Variants in TRMT9B observed in about 807,000 individuals in gnomAD.
TRMT9B encodes tRNA methyltransferase 9B (putative), also known as probable tRNA methyltransferase 9B.
In TRMT9B, 16 loss-of-function variants were observed where a neutral mutation model predicts 11.5. The ratio of observed to expected loss-of-function variants is 1.39; its 90% CI spans 0.94 to 2.11. The LOEUF (loss-of-function observed/expected upper bound fraction) is 2.11, where lower values mean the gene tolerates loss of function less well. Ranked by LOEUF, TRMT9B falls within the 30% of genes most tolerant of loss-of-function variation. The pLI is 0.00. For synonymous variants in TRMT9B, 274 were observed against 192.4 expected, an observed-to-expected ratio of 1.42 and a Z score of -3.51; for missense variants, 941 against 553.8, an observed-to-expected ratio of 1.70 and a Z score of -7.02.
intron 4 of TRMT9B, among the ~76,000 whole-genome samples, chr8:13,020,087 T>A (rs1813534654): frequency 1.3e-5 from 2 of 152,330 alleles, no homozygotes; most frequent in Non-Finnish European, 2.9e-5. Flanking sequence ...TTAGTTTGCC[T>A]AAAATCACCA....
intron 3 of TRMT9B, chr8:13,006,557 A>G: frequency 1.4e-6 from 2 of 1,425,908 alleles, no homozygotes; most frequent in Non-Finnish European, 1.8e-6. Flanking sequence ...TTGTTCTAAT[A>G]GGAATCCTGA....
At chr8:12,972,603 C>T (rs1324758033) in intron 1 of TRMT9B, among the ~76,000 whole-genome samples, 1 of 152,150 alleles carries the variant, frequency 6.6e-6, no homozygotes, top group Non-Finnish European at 1.5e-5. Context: ...CCCTTGTCAG[C>T]AGAGACACTT....
chr8:13,002,838 T>A (rs887558632), intron 2 of TRMT9B, among the ~76,000 whole-genome samples: 1 of 152,064 alleles, frequency 6.6e-6, no homozygotes, highest in Non-Finnish European at 1.5e-5. Flanking sequence ...CTTCCCAGGA[T>A]AGGGGTAGAG....
intron 1 of TRMT9B, among the ~76,000 whole-genome samples, chr8:12,964,163 C>G (rs1349953125): frequency 6.6e-6 from 1 of 152,144 alleles, no homozygotes. Flanking sequence ...ATTATTGTGA[C>G]ATTAGTTTTG....
intron 1 of TRMT9B, among the ~76,000 whole-genome samples, chr8:12,966,296 G>A (rs979178002): frequency 7.9e-5 from 12 of 152,254 alleles, no homozygotes; most frequent in East Asian, 5.8e-4. Context: ...TGGGCGGGGG[G>A]AAGAAATACT....
At position 13,021,536 on chromosome 8, in the gene TRMT9B, C is replaced by A. The variant is rs368968583; in HGVS notation, c.857C>A (p.Pro286His). ...GCCAGTAGCACTGTAACAGTCCAGC[C>A]TTCCAGACACTCTAGTTTAGACTTT... ...VWASSTVTVQ[P>H]SRHSSLDFDH... The change falls in exon 5 of 5, where the codon CCT becomes CAT. Residue 286 changes from proline (P) to histidine (H), a missense_variant. Physicochemically the swap from Pro to His is moderately conservative, Grantham distance 77. Coordinates refer to ENST00000524591, the MANE Select transcript of TRMT9B (RefSeq NM_020844.3). 4.2e-5 allele frequency: 68 copies of A among 1,613,884 alleles called. 1 individual carries two copies. In the South Asian group the frequency reaches 6.5e-4, roughly 15 times the overall value.
At chr8:13,008,160 A>G (rs1304031483) in intron 3 of TRMT9B, among the ~76,000 whole-genome samples, 1 of 152,192 alleles carries the variant, frequency 6.6e-6, no homozygotes, top group African/African-American at 2.4e-5. Context: ...CTTCTTTACT[A>G]TATATCATTA....
intron 2 of TRMT9B, among the ~76,000 whole-genome samples, chr8:13,002,471 G>A (rs914592956): frequency 1.3e-5 from 2 of 152,194 alleles, no homozygotes; most frequent in African/African-American, 4.8e-5. Context: ...GTAAATTTCA[G>A]TTGAAGGTGC....
At chr8:12,976,009 C>A (rs114620972) in intron 1 of TRMT9B, among the ~76,000 whole-genome samples, 1 of 152,186 alleles carries the variant, frequency 6.6e-6, no homozygotes, top group East Asian at 1.9e-4. Context: ...GAAACTGACT[C>A]GTGATCTTTG....
In TRMT9B at chr8:12,955,144, CT is replaced by C. The variant is rs538518512; in HGVS notation, c.-200+9179del. ...TTGGGTCACTGGTTTAATCCCCCATCTGGGTATACTGAATATACTGCTAGTA... is the reference window on the plus strand; with the variant it reads ...TTGGGTCACTGGTTTAATCCCCCATCGGGTATACTGAATATACTGCTAGTA... On this transcript the variant is annotated intron_variant, in intron 1 of 4. Coordinates refer to ENST00000524591, the MANE Select transcript of TRMT9B (RefSeq NM_020844.3). Among the ~76,000 whole-genome samples, 7 of 152,188 alleles carry C rather than the reference CT, an allele frequency of 4.6e-5. No individual in the cohort carries two copies. The South Asian group carries it at 1.0e-3, about 23-fold the overall frequency.
intron 3 of TRMT9B, 70 bp downstream of exon 3, chr8:13,006,426 G>T: frequency 2.0e-6 from 3 of 1,537,826 alleles, no homozygotes; most frequent in Middle Eastern, 2.4e-4. Context: ...TAACCAGGCA[G>T]CCTCATCGCT....
At chr8:13,018,486 C>T (rs1212496165) in intron 4 of TRMT9B, among the ~76,000 whole-genome samples, 1 of 151,830 alleles carries the variant, frequency 6.6e-6, no homozygotes, top group African/African-American at 2.4e-5. Flanking sequence ...TGAAAAGAGA[C>T]CATTTTATTA....
chr8:12,953,320 C>G (rs570042105), intron 1 of TRMT9B, among the ~76,000 whole-genome samples: 12 of 152,132 alleles, frequency 7.9e-5, no homozygotes, highest in African/African-American at 2.9e-4. Context: ...AAATGGAAGC[C>G]TTTATCTTTC....
chr8:13,009,785 C>A (rs1428471883), intron 3 of TRMT9B, among the ~76,000 whole-genome samples: 5 of 152,084 alleles, frequency 3.3e-5, no homozygotes, highest in Admixed American at 3.3e-4. Flanking sequence ...CTAATAGTGC[C>A]ATATTAACAT....
At chr8:13,008,600 A>G (rs1810940568) in intron 3 of TRMT9B, among the ~76,000 whole-genome samples, 1 of 152,274 alleles carries the variant, frequency 6.6e-6, no homozygotes, top group African/African-American at 2.4e-5. Flanking sequence ...ATATTGACAG[A>G]TAACTTTGAC....
intron 2 of TRMT9B, among the ~76,000 whole-genome samples, chr8:12,997,932 T>C (rs1808665366): frequency 6.6e-6 from 1 of 152,210 alleles, no homozygotes; most frequent in African/African-American, 2.4e-5. Flanking sequence ...GTTTTCCATT[T>C]TACCCATTCT....
At chr8:12,999,158 G>T (rs1808906213) in intron 2 of TRMT9B, among the ~76,000 whole-genome samples, 1 of 152,010 alleles carries the variant, frequency 6.6e-6, no homozygotes, top group Admixed American at 6.6e-5. Context: ...AATTAGCCAG[G>T]CATGGTGGTA....
chr8:12,958,232 C>T (rs1163231044), intron 1 of TRMT9B, among the ~76,000 whole-genome samples: 1 of 152,150 alleles, frequency 6.6e-6, no homozygotes, highest in Non-Finnish European at 1.5e-5. Flanking sequence ...CATTCAGCTG[C>T]AGTTCGGATA....
intron 1 of TRMT9B, among the ~76,000 whole-genome samples, chr8:12,948,206 G>A (rs1305218280): frequency 6.6e-6 from 1 of 151,886 alleles, no homozygotes; most frequent in Non-Finnish European, 1.5e-5. Context: ...ACCTGCAATT[G>A]GGCAAAACCA....
Sources: gnomAD v4.1 joint callset for allele counts (sites outside exome capture counted in the v4.1 genomes callset) on GRCh38, gnomAD v4.1.1 for gene constraint, MANE v1.5 for transcripts, NCBI Gene and HGNC (gene_info 2026-07-23, HGNC 2026-07-21) for gene names.